The following ZNF407 variants were observed in gnomAD, a reference collection of about 807,000 sequenced individuals.
The protein encoded by ZNF407 is zinc finger protein 407.
A neutral mutation model predicts 131.2 loss-of-function variants in ZNF407; 17 were observed. The ratio of observed to expected loss-of-function variants is 0.13; its 90% CI spans 0.09 to 0.19. The LOEUF (loss-of-function observed/expected upper bound fraction) is 0.19, where lower values mean the gene tolerates loss of function less well. Among genes scored for constraint, ZNF407 ranks in the 10% least tolerant of loss-of-function variants. The probability of loss-of-function intolerance (pLI) is 1.00; values close to 1 mark genes in which losing one functional copy is unlikely to be tolerated. For synonymous variants in ZNF407, 1,156 were observed against 1,062.0 expected, an observed-to-expected ratio of 1.09 and a Z score of -1.72; for missense variants, 2,681 against 2,830.6, an observed-to-expected ratio of 0.95 and a Z score of 1.20.
At chr18:74,636,736 G>C (rs1984481707) in intron 2 of ZNF407, among the ~76,000 whole-genome samples, 1 of 152,216 alleles carries the variant, frequency 6.6e-6, no homozygotes, top group South Asian at 2.1e-4. Flanking sequence ...ACTGAAGGAA[G>C]TAATGGGGCA....
chr18:74,947,720 G>A (rs895005040), intron 8 of ZNF407, among the ~76,000 whole-genome samples: 3 of 152,168 alleles, frequency 2.0e-5, no homozygotes, highest in Non-Finnish European at 4.4e-5. Flanking sequence ...TAAAAGCCCT[G>A]TACAGACAAA....
chr18:74,713,833 C>A (rs1433155509), intron 3 of ZNF407, among the ~76,000 whole-genome samples: 1 of 152,060 alleles, frequency 6.6e-6, no homozygotes, highest in East Asian at 1.9e-4. Flanking sequence ...AAATTATGTG[C>A]AATAGCCCTT....
At chr18:74,985,511 G>A (rs549060618) in intron 8 of ZNF407, among the ~76,000 whole-genome samples, 3 of 152,202 alleles carry the variant, frequency 2.0e-5, no homozygotes, top group Non-Finnish European at 4.4e-5. Flanking sequence ...ACCTAAATTA[G>A]TGTTATCCTT....
At chr18:74,620,567 C>T (rs1983470583) in intron 1 of ZNF407, among the ~76,000 whole-genome samples, 1 of 152,132 alleles carries the variant, frequency 6.6e-6, no homozygotes, top group African/African-American at 2.4e-5. Context: ...ATATTCTATT[C>T]CGACATGAGT....
At chr18:74,904,701 G>C (rs1971572791) in intron 7 of ZNF407, among the ~76,000 whole-genome samples, 1 of 152,206 alleles carries the variant, frequency 6.6e-6, no homozygotes, top group Admixed American at 6.6e-5. Flanking sequence ...GTTGTAGATA[G>C]TATGATTGGA....
At chr18:75,014,240 C>T (rs945156467) in intron 8 of ZNF407, among the ~76,000 whole-genome samples, 2 of 152,046 alleles carry the variant, frequency 1.3e-5, no homozygotes, top group Admixed American at 1.3e-4. Flanking sequence ...GAAATTAAAA[C>T]TTTCATGTAT....
At chr18:74,970,275 C>T (rs2145302483) in intron 8 of ZNF407, among the ~76,000 whole-genome samples, 1 of 152,162 alleles carries the variant, frequency 6.6e-6, no homozygotes, top group East Asian at 1.9e-4. Flanking sequence ...CCTGGGCCCT[C>T]CAAATCTCAT....
At chr18:74,890,290 C>T (rs1182253180) in intron 7 of ZNF407, among the ~76,000 whole-genome samples, 2 of 151,886 alleles carry the variant, frequency 1.3e-5, no homozygotes, top group African/African-American at 2.4e-5. Context: ...GAGCCTCTTT[C>T]GTTATCAACA....
chr18:74,814,264 G>T lies in ZNF407; in HGVS notation c.4877+32762G>T, dbSNP rs367731026. On this transcript the variant is annotated intron_variant, in intron 4 of 8. Coordinates refer to ENST00000299687, the MANE Select transcript of ZNF407 (RefSeq NM_017757.3). ...TTCCTCCTTCTCAGCCTCCCAAGTA[G>T]CTGGGACTACAGGCGTGCACCACCA... Among the ~76,000 whole-genome samples, 4 of 152,170 alleles carry T rather than the reference G, an allele frequency of 2.6e-5. No individual in the cohort carries two copies. In the South Asian group the frequency reaches 8.3e-4, roughly 32 times the overall value.
chr18:74,755,771 TTC>T lies in ZNF407; in HGVS notation c.4803-25645_4803-25644del, dbSNP rs112828430. Among the ~76,000 whole-genome samples the T allele has an allele frequency of 3.9e-3, 515 of 130,484 alleles. 5 individuals carry two copies. The highest frequency in any genetic ancestry group is 0.013 in the African/African-American group (394 of 30,048). The allele number at this position is 130,484 out of a possible 152,430, so 85.6% of individuals were successfully genotyped here. A position where few individuals can be genotyped will look rare whatever the true frequency, so the allele number is the denominator to read the frequency against. On this transcript the variant is annotated intron_variant, in intron 3 of 8. Coordinates refer to ENST00000299687, the MANE Select transcript of ZNF407 (RefSeq NM_017757.3). ...TTTCTTTCTTTCTTTCTTTCTTTCTTTCTCTCTCTCTCTTTCCTTCCTTCTTT... is the reference window on the plus strand; with the variant it reads ...TTTCTTTCTTTCTTTCTTTCTTTCTTTCTCTCTCTCTTTCCTTCCTTCTTT...
At chr18:74,813,878 T>G (rs1351209345) in intron 4 of ZNF407, among the ~76,000 whole-genome samples, 3 of 152,192 alleles carry the variant, frequency 2.0e-5, no homozygotes, top group Non-Finnish European at 4.4e-5. Context: ...ATTCCTAATT[T>G]TGTAGGGAAC....
Position 75,051,431 on chromosome 18 carries a change from A to T in ZNF407, c.5429-11719A>T, listed in dbSNP as rs182721756. Among the ~76,000 whole-genome samples, 268 of 152,302 alleles carry T rather than the reference A, an allele frequency of 1.8e-3. 2 individuals are homozygous for T. The highest frequency in any genetic ancestry group is 6.2e-3 in the African/African-American group (259 of 41,572). On this transcript the variant is annotated intron_variant, in intron 8 of 8. Transcript: ENST00000299687. The stretch of plus-strand genomic sequence containing the variant: ...ATCACAGTGGGTATTTATTCTTCTA[A>T]TTATAGTACTAAGTGAAATAGATCA...
chr18:74,951,081 T>C (rs1378635037), intron 8 of ZNF407, among the ~76,000 whole-genome samples: 1 of 152,244 alleles, frequency 6.6e-6, no homozygotes, highest in Non-Finnish European at 1.5e-5. Context: ...TCCCTTCATG[T>C]GGTAGCAGGG....
At chr18:74,875,706 TA>T (rs1469206233) in intron 4 of ZNF407, among the ~76,000 whole-genome samples, 3 of 152,196 alleles carry the variant, frequency 2.0e-5, no homozygotes, top group African/African-American at 7.2e-5. Flanking sequence ...TGTCATTCTC[TA>T]GTACTAGTAA....
intron 8 of ZNF407, among the ~76,000 whole-genome samples, chr18:74,954,356 A>G (rs1454434124): frequency 6.6e-6 from 1 of 152,198 alleles, no homozygotes; most frequent in African/African-American, 2.4e-5. Flanking sequence ...TTTAATCTAT[A>G]TCATAAATGA....
intron 4 of ZNF407, among the ~76,000 whole-genome samples, chr18:74,811,440 T>G (rs1970193663): frequency 6.6e-6 from 1 of 152,138 alleles, no homozygotes; most frequent in Admixed American, 6.6e-5. Flanking sequence ...TGTAAACTAG[T>G]TCAACCATTG....
intron 8 of ZNF407, among the ~76,000 whole-genome samples, chr18:75,003,025 G>A (rs1390809969): frequency 1.3e-5 from 2 of 152,116 alleles, no homozygotes; most frequent in African/African-American, 4.8e-5. Context: ...TGGTTCTTAG[G>A]ACACAGACCT....
intron 1 of ZNF407, among the ~76,000 whole-genome samples, chr18:74,606,783 G>A (rs568948792): frequency 7.9e-5 from 12 of 152,284 alleles, no homozygotes; most frequent in African/African-American, 2.4e-4. Context: ...TTTAGATGGC[G>A]TTAGCTAAAG....
intron 3 of ZNF407, among the ~76,000 whole-genome samples, chr18:74,732,156 A>C (rs1968308948): frequency 6.6e-6 from 1 of 152,240 alleles, no homozygotes; most frequent in East Asian, 1.9e-4. Flanking sequence ...AGTTAAATCT[A>C]AATAATGGAG....
Sources: gnomAD v4.1 joint callset for allele counts (sites outside exome capture counted in the v4.1 genomes callset) on GRCh38, gnomAD v4.1.1 for gene constraint, MANE v1.5 for transcripts, NCBI Gene and HGNC (gene_info 2026-07-23, HGNC 2026-07-21) for gene names.